DTNA: variants seen among roughly 807,000 people sequenced by gnomAD.
DTNA encodes the protein dystrobrevin alpha.
Under a neutral mutation model 100.7 loss-of-function variants are expected in DTNA, and 43 were observed. That is an observed-to-expected ratio of 0.43 (90% confidence interval 0.33 to 0.55). DTNA has a LOEUF of 0.55. DTNA is among the 20% of genes least tolerant of loss of function. The probability of loss-of-function intolerance (pLI) is 0.04; values close to 1 mark genes in which losing one functional copy is unlikely to be tolerated. For synonymous variants in DTNA, 349 were observed against 347.9 expected (o/e 1.00, Z -0.04); for missense variants, 798 against 953.9 (o/e 0.84, Z 2.15).
upstream of DTNA, among the ~76,000 whole-genome samples, chr18:34,705,957 T>C (rs182761669): frequency 5.1e-3 from 779 of 152,356 alleles, 4 homozygotes; most frequent in South Asian, 0.016. Context: ...ATTCTGAATT[T>C]TTTTTTCGAG....
intron 1 of DTNA, among the ~76,000 whole-genome samples, chr18:34,599,526 A>T (rs1430089771): frequency 6.6e-6 from 1 of 152,232 alleles, no homozygotes; most frequent in Non-Finnish European, 1.5e-5. Context: ...TAAAACAATG[A>T]ATTTAATTAA....
chr18:34,849,681 A>G (rs918210529), intron 14 of DTNA, among the ~76,000 whole-genome samples: 1 of 152,238 alleles, frequency 6.6e-6, no homozygotes, highest in African/African-American at 2.4e-5. Flanking sequence ...ATTAGATGTC[A>G]GGACTTACAA....
At chr18:34,849,124 G>T (rs1478447563) in intron 14 of DTNA, among the ~76,000 whole-genome samples, 3 of 152,178 alleles carry the variant, frequency 2.0e-5, no homozygotes, top group Non-Finnish European at 4.4e-5. Flanking sequence ...GGGGATCCAG[G>T]ACAGGCTAAA....
At chr18:34,672,214 C>T (rs983664886) in intron 1 of DTNA, among the ~76,000 whole-genome samples, 1 of 151,782 alleles carries the variant, frequency 6.6e-6, no homozygotes, top group South Asian at 2.1e-4. Context: ...TGTGGGGTGG[C>T]ATTTATCTAT....
chr18:34,706,167 T>G (rs1413960006), upstream of DTNA, among the ~76,000 whole-genome samples: 2 of 152,136 alleles, frequency 1.3e-5, no homozygotes, highest in African/African-American at 2.4e-5. Context: ...AGGCTGGTCT[T>G]GAACTCCCGA....
intron 1 of DTNA, among the ~76,000 whole-genome samples, chr18:34,659,097 T>C (rs965821728): frequency 6.6e-6 from 1 of 152,158 alleles, no homozygotes; most frequent in Non-Finnish European, 1.5e-5. Flanking sequence ...TGTGTGTGTG[T>C]GTGCACGCAT....
At chr18:34,509,861 T>C (rs1344662904) in intron 1 of DTNA, among the ~76,000 whole-genome samples, 1 of 152,046 alleles carries the variant, frequency 6.6e-6, no homozygotes, top group African/African-American at 2.4e-5. Flanking sequence ...AGCTTAGATA[T>C]GAGATTGAGA....
chr18:34,690,772 A>G (rs1462900692), intron 1 of DTNA, among the ~76,000 whole-genome samples: 1 of 152,232 alleles, frequency 6.6e-6, no homozygotes, highest in Admixed American at 6.5e-5. Context: ...TGCTTGGCAC[A>G]CTATTAATAC....
At chr18:34,763,942 G>C (rs1601624280) in intron 2 of DTNA, among the ~76,000 whole-genome samples, 3 of 152,130 alleles carry the variant, frequency 2.0e-5, no homozygotes, top group Non-Finnish European at 4.4e-5. Flanking sequence ...TGATGACAAG[G>C]ACTGTTGCAC....
chr18:34,642,894 C>T (rs1373108169), intron 1 of DTNA, among the ~76,000 whole-genome samples: 1 of 152,058 alleles, frequency 6.6e-6, no homozygotes, highest in African/African-American at 2.4e-5. Context: ...TGCCTTGGCT[C>T]CAGTGTGAAA....
intron 1 of DTNA, among the ~76,000 whole-genome samples, chr18:34,650,424 TTTCCTACTTGTAAACATCTGCTTTG>T (rs1443592249): frequency 6.6e-6 from 1 of 152,148 alleles, no homozygotes; most frequent in Non-Finnish European, 1.5e-5. Flanking sequence ...TTTGTGTGTT[TTTCCTACTTGTAAACATCTGCTTTG>T]TTCCTACTTC....
At chr18:34,871,910 T>TGCAACTGATTATTCTCTTCA (rs2096769468) in intron 17 of DTNA, among the ~76,000 whole-genome samples, 1 of 152,230 alleles carries the variant, frequency 6.6e-6, no homozygotes. Context: ...GTGGGAAAGA[T>TGCAACTGATTATTCTCTTCA]GCAACTGATT....
chr18:34,527,938 A>C (rs528787955), intron 1 of DTNA, among the ~76,000 whole-genome samples: 1 of 152,236 alleles, frequency 6.6e-6, no homozygotes, highest in South Asian at 2.1e-4. Context: ...TGTCCATTGA[A>C]AGTGCTTTTA....
In DTNA at chr18:34,887,743, A is replaced by C. The variant is rs982538374; in HGVS notation, c.*32-23A>C. ...AGAAACAATTTGCATCTTTAAAAAA[A>C]ATTACACATTCCTTATTCCCAGGCA... On this transcript the variant is annotated intron_variant, in intron 22 of 22. Coordinates refer to ENST00000444659, the MANE Select transcript of DTNA (RefSeq NM_001386795.1). The C allele has an allele frequency of 2.0e-4, 195 of 985,494 alleles. 5 individuals are homozygous for C. The highest frequency in any genetic ancestry group is 5.2e-4 in the Middle Eastern group (1 of 1,916). The allele number at this position is 985,494 out of a possible 1,614,324, so 61.0% of individuals were successfully genotyped here. A position where few individuals can be genotyped will look rare whatever the true frequency, so the allele number is the denominator to read the frequency against.
chr18:34,811,997 G>A lies in DTNA; in HGVS notation c.487G>A (p.Val163Ile), dbSNP rs1309427958. Residue 163 changes from valine (V) to isoleucine (I), a missense_variant, in exon 6 of 23, where the codon GTT becomes ATT. Around this residue, in one of 6 missense-constraint regions of DTNA, gnomAD observed 197 missense variants for 215.4 expected, o/e 0.91. Coordinates refer to ENST00000444659, the MANE Select transcript of DTNA (RefSeq NM_001386795.1). ...GATTTCTGACTCCAGTGGGGTGATGGTTTATGGACGATATGACCAATTCCT... is the reference window on the plus strand; with the variant it reads ...GATTTCTGACTCCAGTGGGGTGATGATTTATGGACGATATGACCAATTCCT... The part of the protein sequence containing the change: ...SMISDSSGVM[V>I]YGRYDQFLRE... 1 of 1,614,012 alleles carries A rather than the reference G, an allele frequency of 6.2e-7. No individual in the cohort carries two copies. The highest frequency in any genetic ancestry group is 8.5e-7 in the Non-Finnish European group (1 of 1,179,948).
rs776053946 is a variant in DTNA, at chr18:34,753,376, TTTTTTTATTTTTTA to T, written c.-1-2593_-1-2580del. On this transcript the variant is annotated intron_variant, in intron 1 of 22. Coordinates refer to ENST00000444659, the MANE Select transcript of DTNA (RefSeq NM_001386795.1). ...TTATTTATTTATTTTATTTTTTTTT[TTTTTTTATTTTTTA>T]TTTTTTTTTTGAGACGGAGTCTCGC... Among the ~76,000 whole-genome samples the T allele has an allele frequency of 9.6e-3, 896 of 92,948 alleles. 11 individuals carry two copies. The highest frequency in any genetic ancestry group is 0.034 in the East Asian group (151 of 4,382). 61.0% of individuals were successfully genotyped at this position (92,948 alleles called of 152,430 possible). A position where few individuals can be genotyped will look rare whatever the true frequency, so the allele number is the denominator to read the frequency against.
chr18:34,693,975 G>T (rs1275225949), intron 1 of DTNA, among the ~76,000 whole-genome samples: 2 of 151,974 alleles, frequency 1.3e-5, no homozygotes, highest in Admixed American at 6.6e-5. Flanking sequence ...AAAAGATACA[G>T]GTATATGTCT....
At chr18:34,498,651 T>C (rs1386934735) in intron 1 of DTNA, among the ~76,000 whole-genome samples, 2 of 152,012 alleles carry the variant, frequency 1.3e-5, no homozygotes, top group African/African-American at 2.4e-5. Flanking sequence ...AGTGAAAGTC[T>C]AGAACAGTGC....
At chr18:34,592,095 C>A (rs939305059) in intron 1 of DTNA, among the ~76,000 whole-genome samples, 1 of 152,134 alleles carries the variant, frequency 6.6e-6, no homozygotes, top group Non-Finnish European at 1.5e-5. Context: ...ACACCACCAC[C>A]CTGAGCCCAG....
Sources: gnomAD v4.1 joint callset for allele counts (sites outside exome capture counted in the v4.1 genomes callset) on GRCh38, gnomAD v4.1.1 for gene constraint, gnomAD v4.1.1 regional missense constraint, MANE v1.5 for transcripts, NCBI Gene and HGNC (gene_info 2026-07-23, HGNC 2026-07-21) for gene names.